CDH6: variants seen among roughly 807,000 people sequenced by gnomAD.
The protein encoded by CDH6 is cadherin-6.
In CDH6, 31 loss-of-function variants were observed where a neutral mutation model predicts 78.0. That is an observed-to-expected ratio of 0.40 (90% CI 0.30 to 0.54). CDH6 has a LOEUF of 0.54. Ranked by LOEUF, CDH6 falls within the 20% of genes least tolerant of loss-of-function variation. CDH6 has a pLI of 0.56. For synonymous variants in CDH6, 376 were observed against 368.8 expected, an observed-to-expected ratio of 1.02 and a Z score of -0.23; for missense variants, 724 against 975.9, an observed-to-expected ratio of 0.74 and a Z score of 3.44.
chr5:31,302,253 C>T lies in CDH6; in HGVS notation c.954C>T (p.Val318=). ...GTGAGGGGCTGGATATGTTTGATGT[C>T]ATCACCGACCAGGAAACCCAGGAAG... The part of the protein sequence containing the change: ...TDGEGLDMFD[V]ITDQETQEGI... The change falls in exon 6 of 12, where the codon GTC becomes GTT. Residue 318 remains valine (V), a synonymous_variant. Transcript: ENST00000265071. The T allele has an allele frequency of 6.2e-7, 1 of 1,613,840 alleles. No homozygotes were observed. The highest frequency in any genetic ancestry group is 8.5e-7 in the Non-Finnish European group (1 of 1,179,782).
chr5:31,249,183 C>G (rs534604875), intron 1 of CDH6: 1 of 152,114 alleles, frequency 6.6e-6, no homozygotes, highest in Admixed American at 6.5e-5. Flanking sequence ...TGAGCCTAAC[C>G]ACTGATAGTC....
At chr5:31,274,214 G>A (rs1333799435) in intron 2 of CDH6, among the ~76,000 whole-genome samples, 3 of 152,168 alleles carry the variant, frequency 2.0e-5, no homozygotes, top group African/African-American at 4.8e-5. Context: ...TCCACTGAAA[G>A]TGAAACCAAC....
chr5:31,274,982 A>C (rs1393754108), intron 2 of CDH6, among the ~76,000 whole-genome samples: 1 of 152,218 alleles, frequency 6.6e-6, no homozygotes, highest in Non-Finnish European at 1.5e-5. Context: ...TTTTGGGCAC[A>C]GCCCTTTGAG....
chr5:31,267,590 G>A lies in CDH6; in HGVS notation c.117G>A (p.Glu39=), dbSNP rs201767254. 1.9e-6 allele frequency: 3 copies of A among 1,614,106 alleles called. No homozygotes were observed. The highest frequency in any genetic ancestry group is 2.5e-6 in the Non-Finnish European group (3 of 1,180,012). ...SGFPAKKRAL[E]LSGNSKNELN... Reference sequence around the variant, plus strand: ...TCCCAGCAAAGAAAAGGGCCCTGGAGCTCTCTGGAAACAGCAAAAATGAGC... The same window carrying A: ...TCCCAGCAAAGAAAAGGGCCCTGGAACTCTCTGGAAACAGCAAAAATGAGC... The change falls in exon 2 of 12, where the codon GAG becomes GAA. Residue 39 remains glutamate, a synonymous_variant. Transcript: ENST00000265071.
At position 31,211,651 on chromosome 5, in the gene CDH6, G is replaced by A. The variant is rs77312315; in HGVS notation, c.-129+17765G>A. On this transcript the variant is annotated intron_variant, in intron 1 of 11. Coordinates refer to ENST00000265071, the MANE Select transcript of CDH6 (RefSeq NM_004932.4). ...TGGGTAATTTTAGGCAAAAAAATGA[G>A]GTTCTGGGGTTGTTTTTTTTCACAA... Among the ~76,000 whole-genome samples, 1,372 of 152,168 alleles carry A rather than the reference G, an allele frequency of 9.0e-3. 29 individuals carry two copies. The highest frequency in any genetic ancestry group is 0.031 in the African/African-American group (1,300 of 41,520).
At position 31,323,723 on chromosome 5, in the gene CDH6, A is replaced by G; in HGVS notation, c.*415A>G. 1 of 244,014 alleles carries G rather than the reference A, an allele frequency of 4.1e-6. No homozygotes were observed. The highest frequency in any genetic ancestry group is 8.1e-6 in the Non-Finnish European group (1 of 123,364). The allele number at this position is 244,014 out of a possible 1,614,324, so 15.1% of individuals were successfully genotyped here. On this transcript the variant is annotated 3_prime_UTR_variant, in exon 12 of 12. Transcript: ENST00000265071. ...TAAAGATAAAAATATCATCATAGTA[A>G]AAGAAATGAGGGCATATCGGCTCAC... is the stretch of plus-strand genomic sequence containing the variant.
rs1561061798 is a variant in CDH6 at position 31,294,028 on chromosome 5, G to C, written c.295G>C (p.Asp99His). 6.2e-7 allele frequency: 1 copy of C among 1,612,746 alleles called. No individual in the cohort carries two copies. The highest frequency in any genetic ancestry group is 8.5e-7 in the Non-Finnish European group (1 of 1,179,028). ...TATCCTTTCAGGAGATGGAGCAGGA[G>C]ATCTCTTCATTATTAATGAAAACAC... ...KYILSGDGAG[D>H]LFIINENTGD... The change falls in exon 3 of 12, where the codon GAT becomes CAT. Residue 99 changes from aspartate to histidine, a missense_variant. By Grantham distance (81) the Asp-to-His change is moderately conservative. Coordinates refer to ENST00000265071, the MANE Select transcript of CDH6 (RefSeq NM_004932.4). This position sits in a 1 kb window ranked among gnomAD's most constrained non-coding sequence, Gnocchi z 4.1.
intron 1 of CDH6, among the ~76,000 whole-genome samples, chr5:31,240,826 CTT>C (rs1488958779): frequency 6.6e-6 from 1 of 152,126 alleles, no homozygotes; most frequent in Non-Finnish European, 1.5e-5. Flanking sequence ...TACGAAATGA[CTT>C]TATCTCTCTT....
At chr5:31,211,073 G>A (rs867164150) in intron 1 of CDH6, among the ~76,000 whole-genome samples, 9 of 152,266 alleles carry the variant, frequency 5.9e-5, no homozygotes, top group Non-Finnish European at 7.4e-5. Flanking sequence ...TTTAGCCTGT[G>A]TGTGAAGTGG....
intron 6 of CDH6, among the ~76,000 whole-genome samples, chr5:31,304,770 C>T (rs1737932954): frequency 6.6e-6 from 1 of 151,310 alleles, no homozygotes; most frequent in Non-Finnish European, 1.5e-5. Flanking sequence ...CCCCTGATGG[C>T]CCCCTCTAGT....
intron 1 of CDH6, among the ~76,000 whole-genome samples, chr5:31,266,552 G>A (rs1215215126): frequency 1.3e-5 from 2 of 151,790 alleles, no homozygotes; most frequent in Non-Finnish European, 2.9e-5. Context: ...GAATAGAATC[G>A]CTCATTTAAT....
At position 31,238,186 on chromosome 5, in the gene CDH6, T is replaced by A. The variant is rs144336007; in HGVS notation, c.-128-29160T>A. The stretch of plus-strand genomic sequence containing the variant: ...TTATCTTAAGGGGTACATCTAGGGA[T>A]TTTTTAGTCTGGTATGTAATTGTCA... On this transcript the variant is annotated intron_variant, in intron 1 of 11. Transcript: ENST00000265071. 1.7e-4 allele frequency among the ~76,000 whole-genome samples: 26 copies of A among 152,278 alleles called. No individual in the cohort carries two copies. In the East Asian group the frequency reaches 5.0e-3, roughly 29 times the overall value.
chr5:31,267,219 A>T (rs1435593361), intron 1 of CDH6, 127 bp from the exon 2 acceptor site: 1 of 475,292 alleles, frequency 2.1e-6, no homozygotes, highest in Non-Finnish European at 3.8e-6. Flanking sequence ...TCGTTTCAAA[A>T]TTGATAGCCA....
At chr5:31,215,989 T>G (rs894773806) in intron 1 of CDH6, among the ~76,000 whole-genome samples, 3 of 151,160 alleles carry the variant, frequency 2.0e-5, no homozygotes, top group Non-Finnish European at 4.4e-5. Context: ...GGCCCTTTGG[T>G]TTTTTTTCAA....
chr5:31,312,391 G>T (rs558775215), intron 7 of CDH6, among the ~76,000 whole-genome samples: 1 of 152,250 alleles, frequency 6.6e-6, no homozygotes, highest in Admixed American at 6.5e-5. Context: ...TTAGATTGTG[G>T]CATTCCCCTG....
intron 7 of CDH6, among the ~76,000 whole-genome samples, chr5:31,312,466 A>T (rs1347980100): frequency 6.6e-6 from 1 of 152,194 alleles, no homozygotes; most frequent in African/African-American, 2.4e-5. Flanking sequence ...CGGGAGGCCG[A>T]GGTAGGTGGA....
Position 31,265,779 on chromosome 5 carries a change from T to TG in CDH6, c.-128-1567_-128-1566insG, listed in dbSNP as rs1263029147. Among the ~76,000 whole-genome samples, 564 of 136,158 alleles carry TG rather than the reference T, an allele frequency of 4.1e-3. 4 individuals carry two copies. The highest frequency in any genetic ancestry group is 0.015 in the African/African-American group (523 of 35,806). The allele number at this position is 136,158 out of a possible 152,430, so 89.3% of individuals were successfully genotyped here. On this transcript the variant is annotated intron_variant, in intron 1 of 11. Transcript: ENST00000265071. Reference sequence around the variant, plus strand: ...ATTATTTAAGACAATGTTTTTTTTTTTTTTTTTTTTTTTGAGATGGAGTCT... The same window carrying TG: ...ATTATTTAAGACAATGTTTTTTTTTTGTTTTTTTTTTTTTGAGATGGAGTCT...
At chr5:31,220,746 G>A (rs773754079) in intron 1 of CDH6, among the ~76,000 whole-genome samples, 28 of 152,094 alleles carry the variant, frequency 1.8e-4, no homozygotes, top group African/African-American at 6.0e-4. Context: ...AAGCCTCTTC[G>A]TAACAGTGAT....
chr5:31,213,889 T>C (rs1740788858), intron 1 of CDH6, among the ~76,000 whole-genome samples: 1 of 152,022 alleles, frequency 6.6e-6, no homozygotes, highest in Non-Finnish European at 1.5e-5. Flanking sequence ...CAATTCTCAC[T>C]GAAAAATGAT....
Sources: gnomAD v4.1 joint callset for allele counts (sites outside exome capture counted in the v4.1 genomes callset) on GRCh38, gnomAD v4.1.1 for gene constraint, Gnocchi (gnomAD v3.1) non-coding constraint, MANE v1.5 for transcripts, NCBI Gene and HGNC (gene_info 2026-07-23, HGNC 2026-07-21) for gene names.